The following CAMK2D variants were observed in gnomAD, a reference collection of about 807,000 sequenced individuals.
CAMK2D encodes calcium/calmodulin-dependent protein kinase type II subunit delta.
Under a neutral mutation model 84.0 loss-of-function variants are expected in CAMK2D, and 37 were observed. That is an observed-to-expected ratio of 0.44 (90% confidence interval 0.34 to 0.58). The LOEUF (loss-of-function observed/expected upper bound fraction) is 0.58. Among genes scored for constraint, CAMK2D ranks in the 20% least tolerant of loss-of-function variants. The pLI is 0.02. For synonymous variants in CAMK2D, 202 were observed against 212.5 expected (o/e 0.95, Z 0.43); for missense variants, 448 against 652.5 (o/e 0.69, Z 3.41).
chr4:113,711,257 T>C (rs935077974), intron 2 of CAMK2D, among the ~76,000 whole-genome samples: 2 of 151,578 alleles, frequency 1.3e-5, no homozygotes, highest in Non-Finnish European at 2.9e-5. Flanking sequence ...TATTAGCCTA[T>C]ATGTATGCAC....
Position 113,761,433 on chromosome 4 carries a change from G to C in CAMK2D, c.-365C>G. The C allele has an allele frequency of 8.4e-7, 1 of 1,190,636 alleles. No homozygotes were observed. 73.8% of individuals were successfully genotyped at this position (1,190,636 alleles called of 1,614,324 possible). On this transcript the variant is annotated 5_prime_UTR_variant, in exon 1 of 21. Coordinates refer to ENST00000511664, the MANE Select transcript of CAMK2D (RefSeq NM_001321571.2). ...GGAAAAACAGCCAGGCACGGGACGA[G>C]TGGCAAGCAGTTGCGAAACGATCCG... is the stretch of plus-strand genomic sequence containing the variant.
intron 4 of CAMK2D, among the ~76,000 whole-genome samples, chr4:113,589,987 A>G (rs1052888492): frequency 3.9e-5 from 6 of 152,186 alleles, no homozygotes; most frequent in African/African-American, 1.4e-4. Flanking sequence ...TACCTCTATG[A>G]TATTTTGAAT....
chr4:113,680,807 C>T (rs2099343102), intron 2 of CAMK2D, among the ~76,000 whole-genome samples: 1 of 152,116 alleles, frequency 6.6e-6, no homozygotes, highest in African/African-American at 2.4e-5. Flanking sequence ...CCATCCTGTG[C>T]AAGGACTAGA....
intron 3 of CAMK2D, among the ~76,000 whole-genome samples, chr4:113,619,071 C>A (rs952057790): frequency 1.3e-5 from 2 of 152,146 alleles, no homozygotes; most frequent in Non-Finnish European, 2.9e-5. Context: ...TCAAAGAACT[C>A]GTGATCGTCC....
At chr4:113,671,269 T>G (rs1370718326) in intron 2 of CAMK2D, among the ~76,000 whole-genome samples, 1 of 152,136 alleles carries the variant, frequency 6.6e-6, no homozygotes, top group South Asian at 2.1e-4. Flanking sequence ...GGGAATGAAA[T>G]GTAAAAGAAC....
intron 3 of CAMK2D, among the ~76,000 whole-genome samples, chr4:113,613,276 T>C (rs991183218): frequency 5.9e-5 from 9 of 152,138 alleles, no homozygotes; most frequent in African/African-American, 1.7e-4. Flanking sequence ...CAGCAAGTAA[T>C]TGGCCTGGCT....
chr4:113,734,273 T>C (rs1162927447), intron 2 of CAMK2D, among the ~76,000 whole-genome samples: 3 of 152,138 alleles, frequency 2.0e-5, no homozygotes, highest in Non-Finnish European at 4.4e-5. Flanking sequence ...ACTTTTTTTC[T>C]CCTTAACTCT....
chr4:113,540,670 G>A (rs1459538897), intron 6 of CAMK2D, among the ~76,000 whole-genome samples: 4 of 152,040 alleles, frequency 2.6e-5, no homozygotes, highest in African/African-American at 9.7e-5. Flanking sequence ...AAATCACACT[G>A]GATTTTATCA....
intron 2 of CAMK2D, among the ~76,000 whole-genome samples, chr4:113,746,527 A>G (rs1467776684): frequency 6.6e-6 from 1 of 152,166 alleles, no homozygotes. Flanking sequence ...CTCTGTCAAT[A>G]TAAGACAGTA....
At chr4:113,466,698 GAAATTATTAAT>G (rs2097475274) in intron 16 of CAMK2D, among the ~76,000 whole-genome samples, 1 of 152,168 alleles carries the variant, frequency 6.6e-6, no homozygotes, top group Admixed American at 6.5e-5. Flanking sequence ...CATAATTGGT[GAAATTATTAAT>G]AGTGGTTTGG....
intron 3 of CAMK2D, among the ~76,000 whole-genome samples, chr4:113,621,658 T>C (rs1020128730): frequency 2.6e-5 from 4 of 152,200 alleles, no homozygotes; most frequent in Admixed American, 1.3e-4. Flanking sequence ...GTTCATTCTT[T>C]CAGTCACTCA....
intron 2 of CAMK2D, among the ~76,000 whole-genome samples, chr4:113,748,438 C>G (rs916927519): frequency 7.2e-5 from 11 of 152,084 alleles, no homozygotes; most frequent in Non-Finnish European, 1.6e-4. Context: ...ATTTAATCCT[C>G]TAACCCATTA....
In CAMK2D at chr4:113,709,157, TA is replaced by T. The variant is rs547745717; in HGVS notation, c.161-47386del. On this transcript the variant is annotated intron_variant, in intron 2 of 20. Transcript: ENST00000511664. ...CCTTTTTCCATTTAGTTTTTAAGAATAAATCACTCCATCATCTGTGAAATAA... is the reference window on the plus strand; with the variant it reads ...CCTTTTTCCATTTAGTTTTTAAGAATAATCACTCCATCATCTGTGAAATAA... 2.0e-4 allele frequency among the ~76,000 whole-genome samples: 30 copies of T among 152,224 alleles called. No homozygotes were observed. The South Asian group carries it at 5.6e-3, about 28-fold the overall frequency.
At chr4:113,482,091 G>T (rs1439486492) in intron 16 of CAMK2D, among the ~76,000 whole-genome samples, 2 of 152,212 alleles carry the variant, frequency 1.3e-5, no homozygotes, top group Non-Finnish European at 2.9e-5. Flanking sequence ...AGCCACTGGA[G>T]AATACAGAGC....
At chr4:113,606,045 T>TA (rs2098975536) in intron 4 of CAMK2D, among the ~76,000 whole-genome samples, 3 of 151,416 alleles carry the variant, frequency 2.0e-5, no homozygotes, top group African/African-American at 4.9e-5. Context: ...TCAGCCATAA[T>TA]AAAAAAATGC....
chr4:113,715,577 C>A (rs922436072), intron 2 of CAMK2D, among the ~76,000 whole-genome samples: 1 of 152,072 alleles, frequency 6.6e-6, no homozygotes, highest in African/African-American at 2.4e-5. Context: ...CAATTAATTT[C>A]TATGGAGCAT....
In CAMK2D at chr4:113,465,545, C is replaced by G; in HGVS notation, c.1195G>C (p.Asp399His). The change falls in exon 17 of 21, where the codon GAC becomes CAC. Residue 399 changes from aspartate (D) to histidine (H), a missense_variant. By Grantham distance (81) the Asp-to-His change is moderately conservative. Around this residue, in one of 7 missense-constraint regions of CAMK2D, gnomAD observed 219 missense variants for 272.1 expected, o/e 0.80. Coordinates refer to ENST00000511664, the MANE Select transcript of CAMK2D (RefSeq NM_001321571.2). The stretch of plus-strand genomic sequence containing the variant: ...GCTACTCACGTGTAGGCTTCAAAGT[C>G]CCCATTGTTGATAGCTTCGATCAGT... ...EQLIEAINNG[D>H]FEAYTKICDP... 4 of 1,611,144 alleles carry G rather than the reference C, an allele frequency of 2.5e-6. No individual in the cohort carries two copies. The highest frequency in any genetic ancestry group is 3.4e-6 in the Non-Finnish European group (4 of 1,177,604).
intron 3 of CAMK2D, among the ~76,000 whole-genome samples, chr4:113,657,654 A>T (rs1288843312): frequency 6.6e-6 from 1 of 152,180 alleles, no homozygotes; most frequent in Non-Finnish European, 1.5e-5. Context: ...AGAAAAACAT[A>T]AAAAATAACA....
intron 7 of CAMK2D, among the ~76,000 whole-genome samples, chr4:113,534,348 G>T (rs2098476355): frequency 6.6e-6 from 1 of 152,062 alleles, no homozygotes; most frequent in African/African-American, 2.4e-5. Context: ...AAAAGAAAGA[G>T]AAAAAAGAAG....
Sources: gnomAD v4.1 joint callset for allele counts (sites outside exome capture counted in the v4.1 genomes callset) on GRCh38, gnomAD v4.1.1 for gene constraint, gnomAD v4.1.1 regional missense constraint, MANE v1.5 for transcripts, NCBI Gene and HGNC (gene_info 2026-07-23, HGNC 2026-07-21) for gene names.